Variants in SETD4 observed in about 807,000 individuals in gnomAD.
The protein encoded by SETD4 is SET domain-containing protein 4.
In SETD4, 46 loss-of-function variants were observed where a neutral mutation model predicts 58.3. The observed-to-expected ratio is 0.79, with a 90% CI of 0.62 to 1.01. The LOEUF (loss-of-function observed/expected upper bound fraction) is 1.01, where lower values mean the gene tolerates loss of function less well. Among genes scored for constraint, SETD4 ranks in the 50% least tolerant of loss-of-function variants. SETD4 has a pLI of 0.00. For synonymous variants in SETD4, 190 were observed against 202.6 expected (o/e 0.94, Z 0.53); for missense variants, 490 against 523.3 (o/e 0.94, Z 0.62).
chr21:36,054,234 C>T (rs1230619148), intron 3 of SETD4, among the ~76,000 whole-genome samples: 2 of 152,310 alleles, frequency 1.3e-5, no homozygotes, highest in Admixed American at 1.3e-4. Context: ...ACCATAGTAA[C>T]CTCAGCAGCT....
At chr21:36,040,441 C>A in intron 9 of SETD4, 134 bp downstream of exon 9, 1 of 689,948 alleles carries the variant, frequency 1.4e-6, no homozygotes, top group Non-Finnish European at 2.6e-6. Flanking sequence ...AATGAGAAAG[C>A]AACTCCAATG....
rs780753444 is a variant in SETD4, at chr21:36,036,207, T to C, written c.1233A>G (p.Leu411=). 1.7e-5 allele frequency: 27 copies of C among 1,613,186 alleles called. No individual in the cohort carries two copies. The Admixed American group carries it at 4.5e-4, about 27-fold the overall frequency. The change falls in exon 11 of 12, where the codon CTA becomes CTG. Residue 411 remains leucine, a synonymous_variant. Coordinates refer to ENST00000332131, the MANE Select transcript of SETD4 (RefSeq NM_017438.5). ...KDEKEALINQ[L]TLVESLWTEE... ...CCGTCCACAAGGATTCCACCAAAGT[T>C]AGTTGGTTTATCAGGGCCTCTTTTT...
At chr21:36,052,284 T>C (rs1303349723) in intron 4 of SETD4, among the ~76,000 whole-genome samples, 1 of 151,792 alleles carries the variant, frequency 6.6e-6, no homozygotes, top group Non-Finnish European at 1.5e-5. Flanking sequence ...TAGTGCCTCA[T>C]GCTTGTAATC....
At chr21:36,050,495 C>G (rs1317147105) in intron 4 of SETD4, 4 of 1,613,574 alleles carry the variant, frequency 2.5e-6, no homozygotes, top group Non-Finnish European at 3.4e-6. Context: ...CTGTTTTGCG[C>G]CATCTAGAGA....
intron 5 of SETD4, 136 bp from the exon 6 acceptor site, chr21:36,046,147 TC>T: frequency 1.2e-6 from 1 of 841,918 alleles, no homozygotes; most frequent in Non-Finnish European, 1.8e-6. Context: ...ACTCAAGAGT[TC>T]CTTCCTTCCT....
intron 4 of SETD4, among the ~76,000 whole-genome samples, chr21:36,050,003 T>C (rs1466499560): frequency 6.6e-6 from 1 of 152,156 alleles, no homozygotes; most frequent in Non-Finnish European, 1.5e-5. Context: ...ATGGTTAAGA[T>C]GGTAAGTTTT....
intron 4 of SETD4, chr21:36,050,850 C>T: frequency 2.5e-6 from 4 of 1,610,880 alleles, no homozygotes; most frequent in Middle Eastern, 1.7e-4. Flanking sequence ...CGTGGGAGGC[C>T]ATGTGGTTGG....
At chr21:36,046,428 T>A (rs925568214) in intron 5 of SETD4, among the ~76,000 whole-genome samples, 1 of 152,330 alleles carries the variant, frequency 6.6e-6, no homozygotes, top group Non-Finnish European at 1.5e-5. Flanking sequence ...CCATCCGATA[T>A]AGTAATCACT....
intron 5 of SETD4, 75 bp from the exon 6 acceptor site, chr21:36,046,086 C>T: frequency 6.7e-7 from 1 of 1,495,766 alleles, no homozygotes; most frequent in Non-Finnish European, 9.0e-7. Flanking sequence ...GTTTGTTTTG[C>T]TGCCAGAAGG....
At chr21:36,044,371 G>C (rs998489631) in intron 6 of SETD4, among the ~76,000 whole-genome samples, 5 of 152,244 alleles carry the variant, frequency 3.3e-5, no homozygotes, top group African/African-American at 1.2e-4. Context: ...TCCTTTCAAA[G>C]TGTAAAAACC....
intron 1 of SETD4, chr21:36,059,841 C>T (rs749454809): frequency 1.3e-4 from 124 of 985,410 alleles, no homozygotes; most frequent in Non-Finnish European, 1.5e-4. Context: ...GTCGGCATGT[C>T]CAGCTCCAGA....
intron 10 of SETD4, among the ~76,000 whole-genome samples, chr21:36,037,896 T>A (rs1601190975): frequency 6.6e-6 from 1 of 152,164 alleles, no homozygotes; most frequent in Non-Finnish European, 1.5e-5. Flanking sequence ...CCCGGGAGGC[T>A]GAGGCAGGAG....
At chr21:36,057,697 T>G (rs1203050907) in intron 2 of SETD4, among the ~76,000 whole-genome samples, 1 of 152,220 alleles carries the variant, frequency 6.6e-6, no homozygotes. Flanking sequence ...GAAAGATTGA[T>G]TTTAAAACTT....
At chr21:36,042,633 T>C (rs2064118083) in intron 7 of SETD4, 1 of 152,222 alleles carries the variant, frequency 6.6e-6, no homozygotes. Flanking sequence ...CAATCAAATC[T>C]ATATTTAAAA....
intron 4 of SETD4, among the ~76,000 whole-genome samples, chr21:36,050,044 C>T (rs915086577): frequency 6.6e-6 from 1 of 152,138 alleles, no homozygotes; most frequent in African/African-American, 2.4e-5. Context: ...TTTATGGATT[C>T]GTGGGCTGCT....
chr21:36,048,289 C>G lies in SETD4; in HGVS notation c.296+19G>C. ...AGGAGAAGCACTTGCACCAGGTAAG[C>G]AAGTGTGTGGTCACTTACTTAGTAA... On this transcript the variant is annotated intron_variant, in intron 5 of 11. Coordinates refer to ENST00000332131, the MANE Select transcript of SETD4 (RefSeq NM_017438.5). The G allele has an allele frequency of 1.2e-6, 2 of 1,601,972 alleles. No individual in the cohort carries two copies. The highest frequency in any genetic ancestry group is 4.5e-5 in the East Asian group (2 of 44,832).
intron 4 of SETD4, among the ~76,000 whole-genome samples, chr21:36,052,319 G>A (rs2064740319): frequency 1.3e-5 from 2 of 151,714 alleles, no homozygotes; most frequent in African/African-American, 4.8e-5. Context: ...GGCCAAGGCG[G>A]GCAGATCACC....
At chr21:36,058,684 C>A in intron 2 of SETD4, 132 bp downstream of exon 2, 1 of 1,074,222 alleles carries the variant, frequency 9.3e-7, no homozygotes, top group Non-Finnish European at 1.3e-6. Flanking sequence ...CACCACTGCA[C>A]TCCAGCCTGG....
At chr21:36,042,150 C>G (rs1356693026) in intron 7 of SETD4, 1 of 248,042 alleles carries the variant, frequency 4.0e-6, no homozygotes, top group African/African-American at 2.3e-5. Flanking sequence ...GTAAATCCAC[C>G]AAAAACAAGC....
Sources: gnomAD v4.1 joint callset for allele counts (sites outside exome capture counted in the v4.1 genomes callset) on GRCh38, gnomAD v4.1.1 for gene constraint, MANE v1.5 for transcripts, NCBI Gene and HGNC (gene_info 2026-07-23, HGNC 2026-07-21) for gene names.